TSKS: variants seen among roughly 807,000 people sequenced by gnomAD.
The protein encoded by TSKS is testis-specific serine kinase substrate.
A neutral mutation model predicts 68.0 loss-of-function variants in TSKS; 27 were observed. That is an observed-to-expected ratio of 0.40 (90% confidence interval 0.29 to 0.55). The LOEUF (loss-of-function observed/expected upper bound fraction) is 0.55. Among genes scored for constraint, TSKS ranks in the 20% least tolerant of loss-of-function variants. TSKS has a pLI of 0.53. For missense variants in TSKS, 806 were observed against 776.0 expected, an observed-to-expected ratio of 1.04 and a Z score of -0.46; for synonymous variants, 331 against 340.4, an observed-to-expected ratio of 0.97 and a Z score of 0.30.
Position 49,741,948 on chromosome 19 carries a change from C to T in TSKS, c.1434G>A (p.Glu478=), listed in dbSNP as rs2084255543. ...CAGGAGTCAGGCCCCTCTGCTTCAC[C>T]TCGTCCACTAGTGAGGTCAGTGCTC... The part of the protein sequence containing the change: ...LDRALTSLVD[E]VKQRGLTPAC... Residue 478 remains glutamate (E), a synonymous_variant, in exon 9 of 11, where the codon GAG becomes GAA. Transcript: ENST00000246801. 6.2e-7 allele frequency: 1 copy of T among 1,614,206 alleles called. No individual in the cohort carries two copies. Among genetic ancestry groups the T allele is most frequent in the African/African-American group, 1.3e-5 (1 of 75,068 alleles).
intron 2 of TSKS, among the ~76,000 whole-genome samples, chr19:49,760,021 C>T (rs116012690): frequency 2.6e-5 from 4 of 151,280 alleles, no homozygotes; most frequent in African/African-American, 7.3e-5. Flanking sequence ...GGTGTGGTGG[C>T]GCTCTTGTAA....
At chr19:49,762,277 G>C (rs370324846) in intron 1 of TSKS, 45 bp from the exon 2 acceptor site, 7 of 1,523,398 alleles carry the variant, frequency 4.6e-6, no homozygotes, top group South Asian at 1.2e-5. Context: ...CAGCCCCAGG[G>C]TGTCTGGGCC....
In TSKS at chr19:49,746,637, G is replaced by C. The variant is rs763523216; in HGVS notation, c.825C>G (p.Pro275=). 7.1e-5 allele frequency: 115 copies of C among 1,608,948 alleles called. No individual in the cohort carries two copies. Among genetic ancestry groups the C allele is most frequent in the Non-Finnish European group, 9.7e-5 (114 of 1,179,568 alleles). Residue 275 remains proline, a synonymous_variant, in exon 6 of 11, where the codon CCC becomes CCG. Coordinates refer to ENST00000246801, the MANE Select transcript of TSKS (RefSeq NM_021733.2). Reference sequence around the variant, plus strand: ...CGGGGCAGCCCTGGGACGTGGCGGCGGGGCCCAGGCTGTTCCAGGAGAGGC... The same window carrying C: ...CGGGGCAGCCCTGGGACGTGGCGGCCGGGCCCAGGCTGTTCCAGGAGAGGC... ...EAGLSWNSLG[P]AATSQGCPGP... is the part of the protein sequence containing the mutation.
At chr19:49,754,114 G>A (rs544494826) in intron 2 of TSKS, among the ~76,000 whole-genome samples, 450 of 151,330 alleles carry the variant, frequency 3.0e-3, no homozygotes, top group African/African-American at 7.6e-3. Context: ...TCGAACTCCT[G>A]ACCTCAGGTG....
rs1440203924 is a variant in TSKS at position 49,761,984 on chromosome 19, G to T, written c.399+20C>A. The T allele has an allele frequency of 6.3e-7, 1 of 1,585,044 alleles. No individual in the cohort carries two copies. The highest frequency in any genetic ancestry group is 1.7e-5 in the Admixed American group (1 of 59,610). On this transcript the variant is annotated intron_variant, in intron 2 of 10. Transcript: ENST00000246801. Reference sequence around the variant, plus strand: ...GGAGGACCTCGGTCCTCCCCAGCGGGTGGTGTGGAGGGCCCTCACCAGGAT... The same window carrying T: ...GGAGGACCTCGGTCCTCCCCAGCGGTTGGTGTGGAGGGCCCTCACCAGGAT...
At position 49,745,269 on chromosome 19, in the gene TSKS, G is replaced by T; in HGVS notation, c.1120C>A (p.Arg374Ser). Residue 374 changes from arginine to serine, a missense_variant, in exon 7 of 11, where the codon CGC becomes AGC. Arg to Ser is a moderately radical substitution (Grantham distance 110). Transcript: ENST00000246801. ...GFLGQWERAQ[R>S]EQAQTARDLQ... ...TCCCGCGCCGTCTGTGCCTGTTCGC[G>T]CTGTGCCCGCTCCCACTGGCCTAGG... is the stretch of plus-strand genomic sequence containing the variant. 3.1e-6 allele frequency: 5 copies of T among 1,607,420 alleles called. No individual in the cohort carries two copies. The highest frequency in any genetic ancestry group is 3.4e-6 in the Non-Finnish European group (4 of 1,179,530).
intron 6 of TSKS, 136 bp downstream of exon 6, chr19:49,746,334 C>T: frequency 1.9e-6 from 2 of 1,040,730 alleles, no homozygotes; most frequent in South Asian, 3.2e-5. Flanking sequence ...CCCCGAGGCT[C>T]CACCCATGTC....
intron 2 of TSKS, among the ~76,000 whole-genome samples, chr19:49,752,383 C>CAAAAAAAA (rs35015955): frequency 1.2e-5 from 1 of 83,238 alleles, no homozygotes; most frequent in Non-Finnish European, 2.7e-5. Flanking sequence ...AACTCCATCT[C>CAAAAAAAA]AAAAAAAAAA....
chr19:49,748,659 C>A (rs2084323505), intron 2 of TSKS, among the ~76,000 whole-genome samples, 190 bp from the exon 3 acceptor site: 1 of 152,100 alleles, frequency 6.6e-6, no homozygotes, highest in Non-Finnish European at 1.5e-5. Flanking sequence ...GCATAAACGA[C>A]CTTTCTTCAT....
At chr19:49,751,039 C>A (rs1188719065) in intron 2 of TSKS, among the ~76,000 whole-genome samples, 1 of 151,964 alleles carries the variant, frequency 6.6e-6, no homozygotes, top group African/African-American at 2.4e-5. Context: ...CACAGTGGCT[C>A]ACACCTGTAA....
intron 8 of TSKS, among the ~76,000 whole-genome samples, chr19:49,743,310 C>A (rs934706780): frequency 1.3e-5 from 2 of 151,606 alleles, no homozygotes; most frequent in Non-Finnish European, 2.9e-5. Flanking sequence ...AACTCCCGAC[C>A]TCAGTGATCT....
chr19:49,746,901 A>G, intron 5 of TSKS, 103 bp from the exon 6 acceptor site: 1 of 1,523,324 alleles, frequency 6.6e-7, no homozygotes, highest in South Asian at 1.3e-5. Flanking sequence ...TTGGAAGTAG[A>G]ACGCCTGTGG....
At chr19:49,747,104 G>T (rs1279279909) in intron 5 of TSKS, 3 of 1,496,200 alleles carry the variant, frequency 2.0e-6, no homozygotes, top group African/African-American at 2.8e-5. Flanking sequence ...TCAGCATTTT[G>T]TTGGAAAATG....
chr19:49,747,062 C>G (rs2084308959), intron 5 of TSKS: 1 of 1,395,180 alleles, frequency 7.2e-7, no homozygotes, highest in Non-Finnish European at 9.7e-7. Flanking sequence ...AATACCAGTC[C>G]CGGCCACTTG....
intron 2 of TSKS, among the ~76,000 whole-genome samples, chr19:49,760,572 T>C (rs562672404): frequency 1.3e-5 from 2 of 150,010 alleles, no homozygotes; most frequent in Non-Finnish European, 3.0e-5. Flanking sequence ...CCTGACCTCA[T>C]GATCCACCCG....
At chr19:49,755,822 G>A (rs1002799764) in intron 2 of TSKS, among the ~76,000 whole-genome samples, 3 of 152,116 alleles carry the variant, frequency 2.0e-5, no homozygotes, top group Non-Finnish European at 4.4e-5. Context: ...CCAAGATGGT[G>A]AAACCCTGTC....
At chr19:49,744,463 G>A (rs2084279903) in intron 7 of TSKS, 59 bp from the exon 8 acceptor site, 5 of 1,553,044 alleles carry the variant, frequency 3.2e-6, no homozygotes, top group Non-Finnish European at 4.4e-6. Flanking sequence ...ACCCTGGCAA[G>A]ACTCCACCCA....
chr19:49,760,311 AATT>A lies in TSKS; in HGVS notation c.399+1690_399+1692del, dbSNP rs966309752. On this transcript the variant is annotated intron_variant, in intron 2 of 10. Coordinates refer to ENST00000246801, the MANE Select transcript of TSKS (RefSeq NM_021733.2). ...CATTGTGAGACCCTGTCTCTACAAA[AATT>A]ATTATTATTGTTATTATTTTTTTTT... Among the ~76,000 whole-genome samples the A allele has an allele frequency of 7.9e-5, 12 of 152,052 alleles. No individual in the cohort carries two copies. In the South Asian group the frequency reaches 1.5e-3, roughly 18 times the overall value.
intron 8 of TSKS, among the ~76,000 whole-genome samples, 193 bp downstream of exon 8, chr19:49,744,038 A>G (rs2084274931): frequency 6.6e-6 from 1 of 152,166 alleles, no homozygotes; most frequent in Non-Finnish European, 1.5e-5. Flanking sequence ...TCCACAAGAC[A>G]CTGATTCTAC....
Sources: allele counts gnomAD v4.1 joint callset (sites outside exome capture counted in the v4.1 genomes callset), GRCh38; gene constraint gnomAD v4.1.1; transcripts MANE v1.5; gene names NCBI Gene and HGNC (gene_info 2026-07-23, HGNC 2026-07-21).